SLC4A4: variants seen among roughly 807,000 people sequenced by gnomAD.
SLC4A4 encodes solute carrier family 4 member 4.
In SLC4A4, 27 loss-of-function variants were observed where a neutral mutation model predicts 111.5. The observed-to-expected ratio is 0.24, with a 90% CI of 0.18 to 0.33. The LOEUF (loss-of-function observed/expected upper bound fraction) is 0.33. Among genes scored for constraint, SLC4A4 ranks in the 10% least tolerant of loss-of-function variants. The probability of loss-of-function intolerance (pLI) is 1.00; values close to 1 mark genes in which losing one functional copy is unlikely to be tolerated. For synonymous variants in SLC4A4, 443 were observed against 463.4 expected (o/e 0.96, Z 0.57); for missense variants, 909 against 1,315.5 (o/e 0.69, Z 4.78).
At chr4:71,278,877 T>TA (rs1489574036) in intron 3 of SLC4A4, among the ~76,000 whole-genome samples, 1 of 152,232 alleles carries the variant, frequency 6.6e-6, no homozygotes, top group Non-Finnish European at 1.5e-5. Flanking sequence ...CCTTATCAGA[T>TA]ATATGGCTTG....
At chr4:71,164,036 A>G (rs999170808) in intron 2 of SLC4A4, among the ~76,000 whole-genome samples, 3 of 152,148 alleles carry the variant, frequency 2.0e-5, no homozygotes, top group Non-Finnish European at 2.9e-5. Flanking sequence ...ACCTGAGGTC[A>G]GGAGTTTGAG....
chr4:71,189,363 A>T (rs578018795), intron 1 of SLC4A4, among the ~76,000 whole-genome samples: 5 of 152,182 alleles, frequency 3.3e-5, no homozygotes, highest in Middle Eastern at 3.2e-3. Flanking sequence ...AGATGTTTGA[A>T]TGTTAGTACT....
chr4:71,131,843 T>C (rs917789864), intron 2 of SLC4A4, among the ~76,000 whole-genome samples: 2 of 152,180 alleles, frequency 1.3e-5, no homozygotes, highest in Non-Finnish European at 2.9e-5. Flanking sequence ...GGACAAGCTC[T>C]ACCCTGTGCC....
intron 1 of SLC4A4, among the ~76,000 whole-genome samples, chr4:71,075,332 T>A (rs1442045070): frequency 6.6e-6 from 1 of 152,172 alleles, no homozygotes; most frequent in African/African-American, 2.4e-5. Context: ...TTCCATTTCA[T>A]CCCAGATGGA....
chr4:71,277,821 A>G (rs1723198544), intron 3 of SLC4A4, among the ~76,000 whole-genome samples: 1 of 152,136 alleles, frequency 6.6e-6, no homozygotes, highest in African/African-American at 2.4e-5. Flanking sequence ...AGGTATAGTT[A>G]ACAAATAAAA....
intron 2 of SLC4A4, among the ~76,000 whole-genome samples, chr4:71,138,127 A>G (rs1261134876): frequency 6.6e-6 from 1 of 152,206 alleles, no homozygotes; most frequent in Non-Finnish European, 1.5e-5. Flanking sequence ...GGAATGACAA[A>G]CCAGGTAGTT....
intron 3 of SLC4A4, among the ~76,000 whole-genome samples, chr4:71,327,357 TA>T (rs1727582142): frequency 6.6e-6 from 1 of 151,992 alleles, no homozygotes; most frequent in African/African-American, 2.4e-5. Context: ...TTAATTCTTT[TA>T]AAAAATGAGA....
chr4:71,566,128 A>G (rs923042187), intron 24 of SLC4A4, among the ~76,000 whole-genome samples: 8 of 152,010 alleles, frequency 5.3e-5, no homozygotes, highest in South Asian at 4.1e-4. Flanking sequence ...AGAACAAAGA[A>G]CTAAAGCAGT....
intron 3 of SLC4A4, among the ~76,000 whole-genome samples, chr4:71,323,438 G>C (rs957714778): frequency 3.3e-5 from 5 of 151,990 alleles, no homozygotes; most frequent in African/African-American, 1.2e-4. Flanking sequence ...TCTGGGTATA[G>C]CTGGGTTTTT....
chr4:71,072,370 A>G (rs542011585), intron 1 of SLC4A4, among the ~76,000 whole-genome samples: 1 of 152,316 alleles, frequency 6.6e-6, no homozygotes, highest in Non-Finnish European at 1.5e-5. Context: ...CTTTAGTCAT[A>G]GACTAAATTC....
intron 3 of SLC4A4, among the ~76,000 whole-genome samples, chr4:71,268,097 T>TTG (rs1722434521): frequency 6.7e-6 from 1 of 149,600 alleles, no homozygotes; most frequent in Non-Finnish European, 1.5e-5. Context: ...TTTTTTTTTT[T>TTG]GCCACTAGTG....
rs1285660526 is a variant in SLC4A4, at chr4:71,421,428, G to A, written c.808-19188G>A. On this transcript the variant is annotated intron_variant, in intron 7 of 25. Coordinates refer to ENST00000264485, the MANE Select transcript of SLC4A4 (RefSeq NM_001098484.3). ...CACTGTCAACATTAGACAGATCATC[G>A]AGACAGAAAGTTAACAAGGATATCC... 3.9e-5 allele frequency among the ~76,000 whole-genome samples: 6 copies of A among 152,172 alleles called. No homozygotes were observed. In the South Asian group the frequency reaches 8.3e-4, roughly 21 times the overall value.
At chr4:71,247,324 T>C (rs1012816939) in intron 2 of SLC4A4, among the ~76,000 whole-genome samples, 1 of 148,266 alleles carries the variant, frequency 6.7e-6, no homozygotes, top group Non-Finnish European at 1.5e-5. Flanking sequence ...GATATATAAT[T>C]ATGATAATAG....
At chr4:71,423,062 A>G (rs961734753) in intron 7 of SLC4A4, among the ~76,000 whole-genome samples, 4 of 152,210 alleles carry the variant, frequency 2.6e-5, no homozygotes, top group Non-Finnish European at 2.9e-5. Flanking sequence ...CTGTTTGCAG[A>G]CGACATGGTT....
intron 2 of SLC4A4, among the ~76,000 whole-genome samples, chr4:71,179,723 C>A (rs1048840134): frequency 1.3e-5 from 2 of 152,160 alleles, no homozygotes; most frequent in Non-Finnish European, 2.9e-5. Flanking sequence ...AATGGAAGAA[C>A]ATTCCATGCT....
intron 3 of SLC4A4, among the ~76,000 whole-genome samples, chr4:71,274,000 TA>T: frequency 6.6e-6 from 1 of 152,272 alleles, no homozygotes; most frequent in African/African-American, 2.4e-5. Flanking sequence ...ACATGGGAGT[TA>T]GGGGCACTGA....
intron 1 of SLC4A4, among the ~76,000 whole-genome samples, chr4:71,063,216 T>C (rs1741432235): frequency 6.6e-6 from 1 of 152,190 alleles, no homozygotes; most frequent in Non-Finnish European, 1.5e-5. Flanking sequence ...CATGGATCAT[T>C]TTAAACGAGC....
intron 16 of SLC4A4, among the ~76,000 whole-genome samples, chr4:71,527,142 TA>T (rs1344321873): frequency 6.6e-6 from 1 of 152,110 alleles, no homozygotes; most frequent in Non-Finnish European, 1.5e-5. Flanking sequence ...TTAATCTGCT[TA>T]CCACAGTATC....
At chr4:71,385,370 G>A (rs1396865545) in intron 6 of SLC4A4, among the ~76,000 whole-genome samples, 5 of 150,916 alleles carry the variant, frequency 3.3e-5, no homozygotes, top group African/African-American at 9.7e-5. Context: ...GGCTAATTTT[G>A]TATTTTTAAT....
Sources: gnomAD v4.1 joint callset for allele counts (sites outside exome capture counted in the v4.1 genomes callset) on GRCh38, gnomAD v4.1.1 for gene constraint, MANE v1.5 for transcripts, NCBI Gene and HGNC (gene_info 2026-07-23, HGNC 2026-07-21) for gene names.